ZNF607: variants seen among roughly 807,000 people sequenced by gnomAD.
ZNF607 encodes the protein zinc finger protein 607.
ZNF607 carries 5 observed loss-of-function variants against 12.8 expected under a neutral mutation model. The ratio of observed to expected loss-of-function variants is 0.39; its 90% CI spans 0.20 to 0.82. ZNF607 has a LOEUF of 0.82. Among genes scored for constraint, ZNF607 ranks in the 40% least tolerant of loss-of-function variants. The probability of loss-of-function intolerance (pLI) is 0.39; values close to 1 mark genes in which losing one functional copy is unlikely to be tolerated. For missense variants in ZNF607, 851 were observed against 859.2 expected (o/e 0.99, Z 0.12); for synonymous variants, 287 against 276.2 (o/e 1.04, Z -0.39).
At position 37,698,874 on chromosome 19, in the gene ZNF607, T is replaced by C; in HGVS notation, c.1257A>G (p.Lys419=). The change falls in exon 5 of 5, where the codon AAA becomes AAG. Residue 419 remains lysine, a synonymous_variant. Coordinates refer to ENST00000355202, the MANE Select transcript of ZNF607 (RefSeq NM_032689.5). The part of the protein sequence containing the change: ...KIHQNIHTGE[K]PYKCKECGKA... Reference sequence around the variant, plus strand: ...TCCCACATTCCTTACATTTGTAGGGTTTCTCACCGGTATGAATATTTTGAT... The same window carrying C: ...TCCCACATTCCTTACATTTGTAGGGCTTCTCACCGGTATGAATATTTTGAT... 1.9e-6 allele frequency: 3 copies of C among 1,613,936 alleles called. No homozygotes were observed. The highest frequency in any genetic ancestry group is 1.7e-6 in the Non-Finnish European group (2 of 1,179,970).
intron 4 of ZNF607, among the ~76,000 whole-genome samples, chr19:37,702,370 T>C (rs2045047102): frequency 6.6e-6 from 1 of 151,110 alleles, no homozygotes; most frequent in Non-Finnish European, 1.5e-5. Context: ...ATTGAAATTA[T>C]AAACTAAAAA....
chr19:37,712,482 G>C (rs755990086), intron 1 of ZNF607, among the ~76,000 whole-genome samples: 2 of 152,124 alleles, frequency 1.3e-5, no homozygotes, highest in Non-Finnish European at 2.9e-5. Flanking sequence ...CTGAACTCCA[G>C]CCTGGGTGAC....
At chr19:37,716,866 A>G (rs538787512) in intron 1 of ZNF607, among the ~76,000 whole-genome samples, 1 of 152,316 alleles carries the variant, frequency 6.6e-6, no homozygotes, top group South Asian at 2.1e-4. Context: ...AGAAATCTAA[A>G]TATTAGGCCT....
chr19:37,711,480 G>T, intron 2 of ZNF607, 130 bp downstream of exon 2: 1 of 917,280 alleles, frequency 1.1e-6, no homozygotes, highest in Non-Finnish European at 1.7e-6. Flanking sequence ...TTTACTGGAA[G>T]AATGAGAACT....
intron 4 of ZNF607, among the ~76,000 whole-genome samples, chr19:37,700,661 C>T (rs901205376): frequency 6.6e-6 from 1 of 151,864 alleles, no homozygotes; most frequent in Admixed American, 6.6e-5. Flanking sequence ...GAATATTTAT[C>T]TCAATAAAAA....
Position 37,697,053 on chromosome 19 carries a change from C to A in ZNF607, c.*987G>T. 2 of 736,620 alleles carry A rather than the reference C, an allele frequency of 2.7e-6. No homozygotes were observed. The highest frequency in any genetic ancestry group is 1.8e-5 in the Admixed American group (1 of 56,182). 45.6% of individuals were successfully genotyped at this position (736,620 alleles called of 1,614,324 possible). On this transcript the variant is annotated 3_prime_UTR_variant, in exon 5 of 5. Coordinates refer to ENST00000355202, the MANE Select transcript of ZNF607 (RefSeq NM_032689.5). ...CTCCGTGGTAATGAACGGCAGCACA[C>A]ACTCATCGTAGTCCTCTCCAATGCT...
chr19:37,709,394 G>A (rs2045112631), intron 3 of ZNF607, among the ~76,000 whole-genome samples: 1 of 152,076 alleles, frequency 6.6e-6, no homozygotes, highest in African/African-American at 2.4e-5. Flanking sequence ...CCTGACAATG[G>A]TTCTACAATG....
Position 37,698,460 on chromosome 19 carries a change from AGC to A in ZNF607, c.1669_1670del (p.Ala557Ter), listed in dbSNP as rs764596234. On this transcript the variant is annotated frameshift_variant, in exon 5 of 5. Coordinates refer to ENST00000355202, the MANE Select transcript of ZNF607 (RefSeq NM_032689.5). LOFTEE classifies it low-confidence loss of function (END_TRUNC). Reference sequence around the variant, plus strand: ...ATTCCTTACATTCGTAGGGTTTCTCAGCGCTATGAATATTCTGATGGGCTTTA... The same window carrying A: ...ATTCCTTACATTCGTAGGGTTTCTCAGCTATGAATATTCTGATGGGCTTTA... ...VLKAHQNIHS[A>X]EKPYECKECG... The A allele has an allele frequency of 1.2e-6, 2 of 1,613,978 alleles. No homozygotes were observed. The highest frequency in any genetic ancestry group is 4.5e-5 in the East Asian group (2 of 44,900).
At chr19:37,710,018 G>C (rs992788272) in intron 2 of ZNF607, among the ~76,000 whole-genome samples, 196 bp from the exon 3 acceptor site, 1 of 152,114 alleles carries the variant, frequency 6.6e-6, no homozygotes, top group Non-Finnish European at 1.5e-5. Flanking sequence ...AGCTGGGTGT[G>C]GTGGCGCATG....
intron 1 of ZNF607, among the ~76,000 whole-genome samples, chr19:37,715,252 A>T (rs1188205184): frequency 6.6e-6 from 1 of 151,734 alleles, no homozygotes; most frequent in African/African-American, 2.4e-5. Flanking sequence ...TCTCCTACTC[A>T]TAATTCCGAA....
intron 2 of ZNF607, among the ~76,000 whole-genome samples, chr19:37,710,802 C>T (rs1416795481): frequency 6.6e-6 from 1 of 152,160 alleles, no homozygotes; most frequent in African/African-American, 2.4e-5. Context: ...AATATTTTGA[C>T]TTGGAAGAGA....
At chr19:37,700,992 C>A (rs923785853) in intron 4 of ZNF607, among the ~76,000 whole-genome samples, 1 of 151,848 alleles carries the variant, frequency 6.6e-6, no homozygotes, top group African/African-American at 2.4e-5. Flanking sequence ...TCAAAGATGA[C>A]CCTAAAAGTG....
chr19:37,698,735 T>C lies in ZNF607; in HGVS notation c.1396A>G (p.Ile466Val). The change falls in exon 5 of 5, where the codon ATA becomes GTA. Residue 466 changes from isoleucine (I) to valine (V), a missense_variant. Coordinates refer to ENST00000355202, the MANE Select transcript of ZNF607 (RefSeq NM_032689.5). ...TCTCCTGTATGAATTCTCTCATGTATAACAAGATATGAGGCACAACGAAAG... is the reference window on the plus strand; with the variant it reads ...TCTCCTGTATGAATTCTCTCATGTACAACAAGATATGAGGCACAACGAAAG... The part of the protein sequence containing the change: ...KSFRCASYLV[I>V]HERIHTGEKP... The C allele has an allele frequency of 6.2e-7, 1 of 1,613,384 alleles. No individual in the cohort carries two copies. Among genetic ancestry groups the C allele is most frequent in the Non-Finnish European group, 8.5e-7 (1 of 1,179,414 alleles).
intron 1 of ZNF607, among the ~76,000 whole-genome samples, chr19:37,713,413 G>C (rs73621594): frequency 6.6e-6 from 1 of 151,796 alleles, no homozygotes; most frequent in African/African-American, 2.4e-5. Flanking sequence ...GTGTGGCGTA[G>C]TAGAAGCACT....
rs1599665991 is a variant in ZNF607, at chr19:37,707,802, G to C, written c.235+112C>G. On this transcript the variant is annotated intron_variant, in intron 4 of 4. Coordinates refer to ENST00000355202, the MANE Select transcript of ZNF607 (RefSeq NM_032689.5). ...TCCACATCAGAAGCCTCCTCGCTGA[G>C]AAGGGAAATTTATGACCAATGTTTC... 1.7e-5 allele frequency: 14 copies of C among 814,012 alleles called. No homozygotes were observed. The East Asian group carries it at 3.3e-4, about 19-fold the overall frequency. 50.4% of individuals were successfully genotyped at this position (814,012 alleles called of 1,614,324 possible).
intron 4 of ZNF607, among the ~76,000 whole-genome samples, chr19:37,705,758 T>C (rs1211029900): frequency 6.6e-6 from 1 of 151,732 alleles, no homozygotes; most frequent in Non-Finnish European, 1.5e-5. Flanking sequence ...AATTTTTACT[T>C]AAGAAGAAAT....
chr19:37,709,830 A>G lies in ZNF607; in HGVS notation c.10-8T>C, dbSNP rs1162042696. 4.3e-6 allele frequency: 7 copies of G among 1,612,234 alleles called. No individual in the cohort carries two copies. The highest frequency in any genetic ancestry group is 5.9e-6 in the Non-Finnish European group (7 of 1,178,460). ...CCCGAATGTTATTGATCCCTGAAACAGCAAACCCATGTATTACTGGGGAAA... is the reference window on the plus strand; with the variant it reads ...CCCGAATGTTATTGATCCCTGAAACGGCAAACCCATGTATTACTGGGGAAA... On this transcript the variant is annotated splice_polypyrimidine_tract_variant and splice_region_variant and intron_variant, in intron 2 of 4. Coordinates refer to ENST00000355202, the MANE Select transcript of ZNF607 (RefSeq NM_032689.5).
chr19:37,696,824 C>G lies in ZNF607; in HGVS notation c.*1216G>C, dbSNP rs2044978991. The G allele has an allele frequency of 9.4e-7, 1 of 1,062,168 alleles. No individual in the cohort carries two copies. Among genetic ancestry groups the G allele is most frequent in the African/African-American group, 1.5e-5 (1 of 64,598 alleles). 65.8% of individuals were successfully genotyped at this position (1,062,168 alleles called of 1,614,324 possible). On this transcript the variant is annotated 3_prime_UTR_variant, in exon 5 of 5. Coordinates refer to ENST00000355202, the MANE Select transcript of ZNF607 (RefSeq NM_032689.5). ...GAGATGATGGCCGCCTTTTCCACCA[C>G]AAATCTGGCGCTCTCTGCTTCCTGG...
chr19:37,708,397 T>C (rs889890037), intron 3 of ZNF607, among the ~76,000 whole-genome samples: 6 of 151,692 alleles, frequency 4.0e-5, no homozygotes, highest in African/African-American at 9.7e-5. Context: ...GGTTTCGCCA[T>C]GTTGGCCAGG....
Sources: gnomAD v4.1 joint callset for allele counts (sites outside exome capture counted in the v4.1 genomes callset) on GRCh38, gnomAD v4.1.1 for gene constraint, MANE v1.5 for transcripts, NCBI Gene and HGNC (gene_info 2026-07-23, HGNC 2026-07-21) for gene names.